Variants in CCDC88A observed in about 807,000 individuals in gnomAD.
The protein encoded by CCDC88A is coiled-coil and HOOK domain protein 88A.
Under a neutral mutation model 234.3 loss-of-function variants are expected in CCDC88A, and 54 were observed. The ratio of observed to expected loss-of-function variants is 0.23; its 90% CI spans 0.19 to 0.29. CCDC88A has a LOEUF of 0.29. Ranked by LOEUF, CCDC88A falls within the 10% of genes least tolerant of loss-of-function variation. The probability of loss-of-function intolerance (pLI) is 1.00; values close to 1 mark genes in which losing one functional copy is unlikely to be tolerated. For synonymous variants in CCDC88A, 753 were observed against 737.8 expected (o/e 1.02, Z -0.33); for missense variants, 1,832 against 2,123.4 (o/e 0.86, Z 2.70).
intron 3 of CCDC88A, among the ~76,000 whole-genome samples, chr2:55,381,468 G>A (rs1356488581): frequency 6.8e-6 from 1 of 146,212 alleles, no homozygotes; most frequent in Non-Finnish European, 1.5e-5. Flanking sequence ...TGGGGGGATG[G>A]CTTGAGCCCA....
chr2:55,413,866 A>G (rs1381948031), intron 2 of CCDC88A, among the ~76,000 whole-genome samples: 1 of 151,938 alleles, frequency 6.6e-6, no homozygotes, highest in Non-Finnish European at 1.5e-5. Flanking sequence ...GTGGGAGGAT[A>G]GCTTGAGCCC....
At chr2:55,373,454 C>T (rs948675695) in intron 4 of CCDC88A, among the ~76,000 whole-genome samples, 1 of 152,120 alleles carries the variant, frequency 6.6e-6, no homozygotes, top group African/African-American at 2.4e-5. Flanking sequence ...CAATGGTCCC[C>T]CACTCTCACT....
In CCDC88A at chr2:55,384,638, T is replaced by C. The variant is rs1356510680; in HGVS notation, c.273+4140A>G. Among the ~76,000 whole-genome samples the C allele has an allele frequency of 2.1e-4, 22 of 105,348 alleles. 6 individuals carry two copies. The highest frequency in any genetic ancestry group is 7.0e-4 in the African/African-American group (19 of 27,020). The allele number at this position is 105,348 out of a possible 152,430, so 69.1% of individuals were successfully genotyped here. Reference sequence around the variant, plus strand: ...ATATATACGTATATATATGTATATATGTGTATATATACATATATATATATA... The same window carrying C: ...ATATATACGTATATATATGTATATACGTGTATATATACATATATATATATA... On this transcript the variant is annotated intron_variant, in intron 3 of 32. Transcript: ENST00000436346.
At chr2:55,415,399 C>CAA (rs533529855) in intron 2 of CCDC88A, among the ~76,000 whole-genome samples, 27 of 152,140 alleles carry the variant, frequency 1.8e-4, no homozygotes, top group Non-Finnish European at 2.9e-4. Context: ...GAAAAAAAGA[C>CAA]AAAATACATA....
chr2:55,328,571 T>TTTG lies in CCDC88A; in HGVS notation c.2856-137_2856-136insCAA. ...TTTGTTAAAGAGGCAAATGAAATTA[T>TTTG]CCTCTTCTTACTGCCCCATTCTCCC... On this transcript the variant is annotated intron_variant, in intron 16 of 32. Coordinates refer to ENST00000436346, the MANE Select transcript of CCDC88A (RefSeq NM_001365480.1). This position sits in a 1 kb window ranked among gnomAD's most constrained non-coding sequence, Gnocchi z 4.3. The TTTG allele has an allele frequency of 1.8e-6, 1 of 552,648 alleles. No individual in the cohort carries two copies. Among genetic ancestry groups the TTTG allele is most frequent in the Non-Finnish European group, 3.0e-6 (1 of 333,458 alleles). 34.2% of individuals were successfully genotyped at this position (552,648 alleles called of 1,614,324 possible).
chr2:55,378,755 T>C (rs1397538836), intron 3 of CCDC88A, among the ~76,000 whole-genome samples: 1 of 66,114 alleles, frequency 1.5e-5, no homozygotes, highest in African/African-American at 4.9e-5. Flanking sequence ...TTTTTTTTTT[T>C]TTTTTTTTGA....
intron 4 of CCDC88A, among the ~76,000 whole-genome samples, chr2:55,374,603 C>G (rs898047775): frequency 6.6e-6 from 1 of 152,034 alleles, no homozygotes; most frequent in African/African-American, 2.4e-5. Context: ...AGAAAAAATA[C>G]TGAATTTAAT....
intron 17 of CCDC88A, among the ~76,000 whole-genome samples, chr2:55,326,253 G>C (rs1484295353): frequency 6.6e-6 from 1 of 151,894 alleles, no homozygotes; most frequent in Non-Finnish European, 1.5e-5. Context: ...CTGCGCTCAA[G>C]CGAACTTGCC....
intron 3 of CCDC88A, among the ~76,000 whole-genome samples, chr2:55,383,160 A>C (rs1386705485): frequency 6.6e-6 from 1 of 151,964 alleles, no homozygotes; most frequent in Admixed American, 6.6e-5. Flanking sequence ...CCCTCCAACA[A>C]TCATCTTAGG....
At chr2:55,321,140 G>C (rs1393351354) in intron 18 of CCDC88A, 1 of 149,490 alleles carries the variant, frequency 6.7e-6, no homozygotes, top group Non-Finnish European at 1.5e-5. Context: ...AAAGATAATA[G>C]ATGGGATTTT....
intron 17 of CCDC88A, among the ~76,000 whole-genome samples, chr2:55,324,818 G>C (rs1302807039): frequency 1.3e-5 from 2 of 151,962 alleles, no homozygotes; most frequent in Non-Finnish European, 2.9e-5. Flanking sequence ...GCTAATTTTT[G>C]TATTTTTAGT....
chr2:55,300,926 T>A, intron 28 of CCDC88A: 1 of 297,894 alleles, frequency 3.4e-6, no homozygotes, highest in Non-Finnish European at 6.1e-6. Flanking sequence ...CTTATAACTT[T>A]AATCTTATAC....
chr2:55,352,219 C>T (rs935972196), intron 8 of CCDC88A, among the ~76,000 whole-genome samples: 10 of 152,034 alleles, frequency 6.6e-5, no homozygotes, highest in Middle Eastern at 3.4e-3. Context: ...ATCAGAAGGT[C>T]GGGAGCTCAA....
intron 8 of CCDC88A, chr2:55,355,205 C>T (rs3861572): frequency 0.018 from 3,326 of 184,402 alleles, 136 homozygotes; most frequent in African/African-American, 0.075. Context: ...TTTTGGGGGG[C>T]AGAATAGGTG....
chr2:55,326,002 G>T (rs1684214691), intron 17 of CCDC88A, among the ~76,000 whole-genome samples: 1 of 152,108 alleles, frequency 6.6e-6, no homozygotes, highest in African/African-American at 2.4e-5. Flanking sequence ...CTGATAGGTA[G>T]CATATAGATG....
chr2:55,320,425 A>C (rs1429121242), intron 18 of CCDC88A, among the ~76,000 whole-genome samples: 1 of 152,184 alleles, frequency 6.6e-6, no homozygotes, highest in Non-Finnish European at 1.5e-5. Context: ...AATACTGGCA[A>C]ACACACAAAA....
chr2:55,298,323 C>A (rs963609918), intron 29 of CCDC88A, among the ~76,000 whole-genome samples: 16 of 140,272 alleles, frequency 1.1e-4, no homozygotes, highest in Admixed American at 3.2e-4. Context: ...CTACATTTTT[C>A]TACTGGATGT....
chr2:55,337,006 G>T, intron 13 of CCDC88A, 188 bp from the exon 14 acceptor site: 1 of 441,330 alleles, frequency 2.3e-6, no homozygotes, highest in South Asian at 3.7e-5. Flanking sequence ...AAAATATGCA[G>T]ACATGATTTC....
intron 17 of CCDC88A, 185 bp from the exon 18 acceptor site, chr2:55,322,877 C>T (rs1683804938): frequency 2.5e-6 from 1 of 404,154 alleles, no homozygotes; most frequent in African/African-American, 2.1e-5. Context: ...AAATATAAAA[C>T]ATACTCTACT....
Sources: gnomAD v4.1 joint callset for allele counts (sites outside exome capture counted in the v4.1 genomes callset) on GRCh38, gnomAD v4.1.1 for gene constraint, Gnocchi (gnomAD v3.1) non-coding constraint, MANE v1.5 for transcripts, NCBI Gene and HGNC (gene_info 2026-07-23, HGNC 2026-07-21) for gene names.